RPE65: variants seen among roughly 807,000 people sequenced by gnomAD.
The protein encoded by RPE65 is retinoid isomerohydrolase RPE65.
In RPE65, 58 loss-of-function variants were observed where a neutral mutation model predicts 68.5. The ratio of observed to expected loss-of-function variants is 0.85; its 90% CI spans 0.69 to 1.05. The LOEUF (loss-of-function observed/expected upper bound fraction) is 1.05. RPE65 is among the 50% of genes least tolerant of loss of function. The pLI is 0.00. For synonymous variants in RPE65, 220 were observed against 222.2 expected (o/e 0.99, Z 0.09); for missense variants, 643 against 629.9 (o/e 1.02, Z -0.22).
intron 10 of RPE65, among the ~76,000 whole-genome samples, chr1:68,435,639 A>T (rs1347145354): frequency 1.3e-5 from 2 of 151,736 alleles, no homozygotes; most frequent in Non-Finnish European, 2.9e-5. Flanking sequence ...CTCCCTCTCC[A>T]CCTATCTGTC....
chr1:68,432,316 A>G (rs1645832668), intron 10 of RPE65, among the ~76,000 whole-genome samples: 2 of 152,172 alleles, frequency 1.3e-5, no homozygotes, highest in Admixed American at 6.5e-5. Context: ...AAATATAATT[A>G]ATAAATTTTA....
chr1:68,447,658 G>A (rs1645952058), intron 2 of RPE65, among the ~76,000 whole-genome samples: 3 of 152,112 alleles, frequency 2.0e-5, no homozygotes, highest in Non-Finnish European at 4.4e-5. Flanking sequence ...TCAGGAGATC[G>A]AGACCACGGC....
At chr1:68,449,793 A>T in intron 1 of RPE65, 102 bp downstream of exon 1, 1 of 1,388,018 alleles carries the variant, frequency 7.2e-7, no homozygotes, top group South Asian at 1.2e-5. Context: ...GTCTTTCCTA[A>T]ACAGGTCATT....
rs1028902650 is a variant in RPE65, at chr1:68,438,797, T to A, written c.998+145A>T. ...TGATGTTCAGATTACCTAAACTTCC[T>A]ACTGCTTTTCCAATTACATTTTTGA... is the stretch of plus-strand genomic sequence containing the variant. On this transcript the variant is annotated intron_variant, in intron 9 of 13. Transcript: ENST00000262340. The A allele has an allele frequency of 1.9e-5, 20 of 1,059,026 alleles. 1 individual carries two copies. In the African/African-American group the frequency reaches 3.1e-4, roughly 17 times the overall value. 65.6% of individuals were successfully genotyped at this position (1,059,026 alleles called of 1,614,324 possible).
intron 9 of RPE65, 33 bp from the exon 10 acceptor site, chr1:68,438,349 G>A (rs371503220): frequency 6.2e-6 from 10 of 1,607,200 alleles, no homozygotes; most frequent in Non-Finnish European, 8.5e-6. Flanking sequence ...ATGAGCACAG[G>A]CAATGACAAA....
In RPE65 at chr1:68,429,587, G is replaced by T; in HGVS notation, c.*189C>A. The stretch of plus-strand genomic sequence containing the variant: ...AGAGGAAGTATGATTATCTAAATAC[G>T]TACTTTTTTTTTTAAATAAAGGAAT... On this transcript the variant is annotated 3_prime_UTR_variant, in exon 14 of 14. Coordinates refer to ENST00000262340, the MANE Select transcript of RPE65 (RefSeq NM_000329.3). The T allele has an allele frequency of 1.6e-6, 1 of 631,362 alleles. No individual in the cohort carries two copies. Among genetic ancestry groups the T allele is most frequent in the Non-Finnish European group, 2.7e-6 (1 of 365,398 alleles). The allele number at this position is 631,362 out of a possible 1,614,324, so 39.1% of individuals were successfully genotyped here. A position where few individuals can be genotyped will look rare whatever the true frequency, so the allele number is the denominator to read the frequency against.
rs762360753 is a variant in RPE65, at chr1:68,444,570, A to G, written c.456T>C (p.Ile152=). The change falls in exon 5 of 14, where the codon ATT becomes ATC. Residue 152 remains isoleucine, a synonymous_variant. Coordinates refer to ENST00000262340, the MANE Select transcript of RPE65 (RefSeq NM_000329.3). Reference sequence around the variant, plus strand: ...CCAAGGTCTCTGGATTAATCTTTGTAATAAAGTTGGTCTCTGTGCAAGCGT... The same window carrying G: ...CCAAGGTCTCTGGATTAATCTTTGTGATAAAGTTGGTCTCTGTGCAAGCGT... ...DYYACTETNF[I]TKINPETLET... 1.9e-6 allele frequency: 3 copies of G among 1,614,020 alleles called. No homozygotes were observed. In the South Asian group the frequency reaches 3.3e-5, roughly 18 times the overall value.
At chr1:68,444,260 G>A (rs1234412089) in intron 5 of RPE65, among the ~76,000 whole-genome samples, 1 of 152,188 alleles carries the variant, frequency 6.6e-6, no homozygotes, top group Non-Finnish European at 1.5e-5. Context: ...AAGAAACAAT[G>A]TTTGTCCTAT....
At chr1:68,439,859 C>A (rs758622277) in intron 6 of RPE65, among the ~76,000 whole-genome samples, 6 of 152,108 alleles carry the variant, frequency 3.9e-5, no homozygotes, top group Non-Finnish European at 7.3e-5. Flanking sequence ...TGGAAACGTG[C>A]ACTCAAATAG....
At chr1:68,429,992 C>A in intron 13 of RPE65, 65 bp from the exon 14 acceptor site, 1 of 1,589,482 alleles carries the variant, frequency 6.3e-7, no homozygotes. Flanking sequence ...GATTGAATGT[C>A]ATTGAAATAA....
chr1:68,431,683 G>A, intron 10 of RPE65, 98 bp from the exon 11 acceptor site: 1 of 1,010,842 alleles, frequency 9.9e-7, no homozygotes, highest in Non-Finnish European at 1.5e-6. Flanking sequence ...TTCTTTTTTA[G>A]GTCAACATGC....
intron 2 of RPE65, among the ~76,000 whole-genome samples, chr1:68,447,903 GGTT>G (rs1645954614): frequency 6.6e-6 from 1 of 152,088 alleles, no homozygotes; most frequent in African/African-American, 2.4e-5. Flanking sequence ...ACCCCAGGTA[GGTT>G]TATCCTTTGA....
In RPE65 at chr1:68,446,691, G is replaced by C. The variant is rs1253298365; in HGVS notation, c.245+19C>G. On this transcript the variant is annotated intron_variant, in intron 3 of 13. Coordinates refer to ENST00000262340, the MANE Select transcript of RPE65 (RefSeq NM_000329.3). ...GGCCCTACTTTGAGGAGGAGGAGTG[G>C]CATGGAGTGCTGCTTTACCTTCTGT... is the stretch of plus-strand genomic sequence containing the variant. 1 of 1,614,066 alleles carries C rather than the reference G, an allele frequency of 6.2e-7. No homozygotes were observed. Among genetic ancestry groups the C allele is most frequent in the Admixed American group, 1.7e-5 (1 of 60,026 alleles).
Position 68,429,585 on chromosome 1 carries a change from A to G in RPE65, c.*191T>C, listed in dbSNP as rs2100804627. 2 of 629,426 alleles carry G rather than the reference A, an allele frequency of 3.2e-6. No individual in the cohort carries two copies. The highest frequency in any genetic ancestry group is 5.7e-5 in the East Asian group (2 of 35,270). 39.0% of individuals were successfully genotyped at this position (629,426 alleles called of 1,614,324 possible). ...ACAGAGGAAGTATGATTATCTAAAT[A>G]CGTACTTTTTTTTTTAAATAAAGGA... On this transcript the variant is annotated 3_prime_UTR_variant, in exon 14 of 14. Coordinates refer to ENST00000262340, the MANE Select transcript of RPE65 (RefSeq NM_000329.3).
intron 2 of RPE65, 32 bp downstream of exon 2, chr1:68,448,589 TAAA>T: frequency 6.3e-7 from 1 of 1,590,876 alleles, no homozygotes; most frequent in Non-Finnish European, 8.6e-7. Flanking sequence ...GAGACTGACA[TAAA>T]AGAGGATGGC....
chr1:68,439,431 A>G (rs555491034), intron 7 of RPE65, 108 bp from the exon 8 acceptor site: 10 of 1,552,960 alleles, frequency 6.4e-6, no homozygotes, highest in Admixed American at 3.4e-5. Context: ...CAGTGCCTAC[A>G]TGAAATTAAT....
At position 68,431,479 on chromosome 1, in the gene RPE65, G is replaced by A. The variant is rs199613555; in HGVS notation, c.1235C>T (p.Pro412Leu). 5.0e-6 allele frequency: 8 copies of A among 1,613,742 alleles called. No individual in the cohort carries two copies. The highest frequency in any genetic ancestry group is 1.7e-5 in the Admixed American group (1 of 59,942). Residue 412 changes from proline to leucine, a missense_variant, in exon 11 of 14, where the codon CCT (proline) becomes CTT (leucine). By Grantham distance (98) the Pro-to-Leu change is moderately conservative. Transcript: ENST00000262340. Reference sequence around the variant, plus strand: ...TCTCTAGATCATCTCACCTTGACGAGGCCCTGAAAAGAGAACTTCAGGCTC... The same window carrying A: ...TCTCTAGATCATCTCACCTTGACGAAGCCCTGAAAAGAGAACTTCAGGCTC... ...WLEPEVLFSG[P>L]RQAFEFPQIN...
Position 68,440,879 on chromosome 1 carries a change from ATG to A in RPE65, c.615_616del (p.Ile206CysfsTer27), listed in dbSNP as rs61752888. 2.5e-6 allele frequency: 4 copies of A among 1,614,036 alleles called. No individual in the cohort carries two copies. Among genetic ancestry groups the A allele is most frequent in the Non-Finnish European group, 2.5e-6 (3 of 1,179,918 alleles). On this transcript the variant is annotated frameshift_variant, in exon 6 of 14. Coordinates refer to ENST00000262340, the MANE Select transcript of RPE65 (RefSeq NM_000329.3). LOFTEE classifies it high-confidence loss of function. ...TGCTTGCAGTGGTGGGATCTTTACA[ATG>A]TTGTAGGCAATTGAAAAATTTTTTC...
chr1:68,449,790 C>A, intron 1 of RPE65, 105 bp downstream of exon 1: 1 of 1,374,260 alleles, frequency 7.3e-7, no homozygotes, highest in Non-Finnish European at 1.0e-6. Context: ...AGGGTCTTTC[C>A]TAAACAGGTC....
Sources: allele counts gnomAD v4.1 joint callset (sites outside exome capture counted in the v4.1 genomes callset), GRCh38; gene constraint gnomAD v4.1.1; transcripts MANE v1.5; gene names NCBI Gene and HGNC (gene_info 2026-07-23, HGNC 2026-07-21).